Variants in FAM98C observed in about 807,000 individuals in gnomAD.
FAM98C encodes the protein protein FAM98C.
A neutral mutation model predicts 41.1 loss-of-function variants in FAM98C; 38 were observed. The ratio of observed to expected loss-of-function variants is 0.92; its 90% CI spans 0.71 to 1.21. The LOEUF (loss-of-function observed/expected upper bound fraction) is 1.21, where lower values mean the gene tolerates loss of function less well. Ranked by LOEUF, FAM98C falls within the 50% of genes most tolerant of loss-of-function variation. FAM98C has a pLI of 0.00. For missense variants in FAM98C, 493 were observed against 484.7 expected (o/e 1.02, Z -0.16); for synonymous variants, 195 against 216.7 (o/e 0.90, Z 0.88).
rs551370168 is a variant in FAM98C at position 38,403,115 on chromosome 19, G to C, written c.-39G>C. On this transcript the variant is annotated 5_prime_UTR_variant, in exon 1 of 8. Coordinates refer to ENST00000252530, the MANE Select transcript of FAM98C (RefSeq NM_174905.4). Reference sequence around the variant, plus strand: ...GCGCGGCGCTTTTGGGGCGGAGCCTGCCACCGGCCGCCAGGGGGCGCGCCG... The same window carrying C: ...GCGCGGCGCTTTTGGGGCGGAGCCTCCCACCGGCCGCCAGGGGGCGCGCCG... 4 of 1,493,504 alleles carry C rather than the reference G, an allele frequency of 2.7e-6. No individual in the cohort carries two copies. In the East Asian group the frequency reaches 8.1e-5, roughly 30 times the overall value. The allele number at this position is 1,493,504 out of a possible 1,614,324, so 92.5% of individuals were successfully genotyped here.
At position 38,404,908 on chromosome 19, in the gene FAM98C, G is replaced by C; in HGVS notation, c.350G>C (p.Arg117Pro). 15 of 1,614,118 alleles carry C rather than the reference G, an allele frequency of 9.3e-6. No individual in the cohort carries two copies. The highest frequency in any genetic ancestry group is 1.2e-5 in the Non-Finnish European group (14 of 1,180,020). Residue 117 changes from arginine (R) to proline (P), a missense_variant and splice_region_variant, in exon 4 of 8, where the codon CGC becomes CCC. Arg to Pro is a moderately radical substitution (Grantham distance 103). Transcript: ENST00000252530. ...CACAGCACCCATTTATTACTTTCAG[G>C]CTTTCTCTGCTCAGAGCTCCAAGCC... ...REPGAGLRLLRFLCSELQATR... is the reference protein window; with the variant it reads ...REPGAGLRLLPFLCSELQATR...
In FAM98C at chr19:38,403,403, T is replaced by A. The variant is rs1970993408; in HGVS notation, c.131T>A (p.Val44Glu). 8 of 1,446,308 alleles carry A rather than the reference T, an allele frequency of 5.5e-6. No homozygotes were observed. In the South Asian group the frequency reaches 9.6e-5, roughly 17 times the overall value. 89.6% of individuals were successfully genotyped at this position (1,446,308 alleles called of 1,614,324 possible). A position where few individuals can be genotyped will look rare whatever the true frequency, so the allele number is the denominator to read the frequency against. Reference protein sequence around the residue: ...ASCPDFRGLCVRLAAELATLG... With the variant: ...ASCPDFRGLCERLAAELATLG... ...TGCCCAGACTTCAGGGGGCTGTGCG[T>A]GCGGCTGGCGGCGGAGCTGGCGACG... is the stretch of plus-strand genomic sequence containing the variant. The change falls in exon 2 of 8, where the codon GTG (valine) becomes GAG (glutamate). Residue 44 changes from valine (V) to glutamate (E), a missense_variant. Coordinates refer to ENST00000252530, the MANE Select transcript of FAM98C (RefSeq NM_174905.4).
In FAM98C at chr19:38,408,878, A is replaced by G; in HGVS notation, c.1046A>G (p.Lys349Arg). 1 of 1,575,462 alleles carries G rather than the reference A, an allele frequency of 6.3e-7. No homozygotes were observed. The highest frequency in any genetic ancestry group is 8.6e-7 in the Non-Finnish European group (1 of 1,165,288). ...TGGGGTCGCAAGAAGAAGAAGAAGAAGTAAAGGGGGACTGGTGGTCGGGGG... is the reference window on the plus strand; with the variant it reads ...TGGGGTCGCAAGAAGAAGAAGAAGAGGTAAAGGGGGACTGGTGGTCGGGGG... The part of the protein sequence containing the change: ...QCWGRKKKKK[K>R] Residue 349 changes from lysine to arginine, a missense_variant, in exon 8 of 8, where the codon AAG becomes AGG. Lys to Arg is a conservative substitution (Grantham distance 26). Transcript: ENST00000252530.
At position 38,403,614 on chromosome 19, in the gene FAM98C, T is replaced by C; in HGVS notation, c.269T>C (p.Leu90Pro). The change falls in exon 3 of 8, where the codon CTG (leucine) becomes CCG (proline). Residue 90 changes from leucine (L) to proline (P), a missense_variant. Leu to Pro is a moderately conservative substitution (Grantham distance 98). Transcript: ENST00000252530. ...CAGCTCGGCAGCCTGCTGCGGGAGC[T>C]GCACTGCCCGGATCGCGCGCTCTGC... ...LRQLGSLLRE[L>P]HCPDRALCGG... 6.8e-7 allele frequency: 1 copy of C among 1,469,252 alleles called. No homozygotes were observed. The highest frequency in any genetic ancestry group is 8.9e-7 in the Non-Finnish European group (1 of 1,122,338). 91.0% of individuals were successfully genotyped at this position (1,469,252 alleles called of 1,614,324 possible).
chr19:38,407,688 A>AT (rs919602845), intron 7 of FAM98C: 16 of 151,868 alleles, frequency 1.1e-4, no homozygotes, highest in African/African-American at 3.9e-4. Context: ...AAAAAAAAAA[A>AT]CAAAGACAGA....
intron 7 of FAM98C, chr19:38,408,279 G>T (rs980948764): frequency 2.0e-5 from 3 of 152,620 alleles, no homozygotes; most frequent in Non-Finnish European, 2.9e-5. Flanking sequence ...AGAAAAGTAG[G>T]CTGGGTGCAG....
intron 4 of FAM98C, 66 bp downstream of exon 4, chr19:38,405,179 T>C: frequency 6.4e-7 from 1 of 1,550,934 alleles, no homozygotes; most frequent in South Asian, 1.2e-5. Context: ...GGGGGTCCTC[T>C]CTCCACTTCT....
chr19:38,403,095 G>C lies in FAM98C; in HGVS notation c.-59G>C. The C allele has an allele frequency of 6.9e-7, 1 of 1,459,484 alleles. No homozygotes were observed. Among genetic ancestry groups the C allele is most frequent in the Non-Finnish European group, 8.9e-7 (1 of 1,118,162 alleles). 90.4% of individuals were successfully genotyped at this position (1,459,484 alleles called of 1,614,324 possible). A position where few individuals can be genotyped will look rare whatever the true frequency, so the allele number is the denominator to read the frequency against. ...ACGCTGCGGGGAGCTCGTGCGCGCG[G>C]CGCTTTTGGGGCGGAGCCTGCCACC... On this transcript the variant is annotated 5_prime_UTR_variant, in exon 1 of 8. Transcript: ENST00000252530.
intron 3 of FAM98C, 74 bp from the exon 4 acceptor site, chr19:38,404,834 T>G: frequency 2.5e-5 from 38 of 1,547,756 alleles, no homozygotes; most frequent in Non-Finnish European, 3.2e-5. Flanking sequence ...CGGCCATCAG[T>G]GGAGCTTTTT....
chr19:38,407,094 G>A lies in FAM98C; in HGVS notation c.918+17G>A. ...ATCAACAAGGTGGGCATCTGGGGTA[G>A]GGAAGGGCCCTGGCATCCTTGGCCT... On this transcript the variant is annotated intron_variant, in intron 7 of 7. Coordinates refer to ENST00000252530, the MANE Select transcript of FAM98C (RefSeq NM_174905.4). 6.2e-7 allele frequency: 1 copy of A among 1,610,810 alleles called. No homozygotes were observed. Among genetic ancestry groups the A allele is most frequent in the Non-Finnish European group, 8.5e-7 (1 of 1,177,890 alleles).
intron 4 of FAM98C, 71 bp from the exon 5 acceptor site, chr19:38,405,273 G>C: frequency 6.4e-7 from 1 of 1,564,780 alleles, no homozygotes; most frequent in Non-Finnish European, 8.7e-7. Flanking sequence ...CCTCAGGGGT[G>C]TGGGGAGCTG....
rs1226947671 is a variant in FAM98C, at chr19:38,403,395, G to A, written c.123G>A (p.Gly41=). 2.7e-6 allele frequency: 4 copies of A among 1,455,808 alleles called. No individual in the cohort carries two copies. The Admixed American group carries it at 9.4e-5, about 34-fold the overall frequency. The allele number at this position is 1,455,808 out of a possible 1,614,324, so 90.2% of individuals were successfully genotyped here. ...SRGASCPDFR[G]LCVRLAAELA... ...GCGCCTCATGCCCAGACTTCAGGGG[G>A]CTGTGCGTGCGGCTGGCGGCGGAGC... The change falls in exon 2 of 8, where the codon GGG becomes GGA. Residue 41 remains glycine (G), a synonymous_variant. Coordinates refer to ENST00000252530, the MANE Select transcript of FAM98C (RefSeq NM_174905.4).
intron 7 of FAM98C, 177 bp downstream of exon 7, chr19:38,407,254 C>T: frequency 1.6e-6 from 1 of 643,530 alleles, no homozygotes; most frequent in Non-Finnish European, 2.6e-6. Context: ...CAGAATGCTT[C>T]CGTGGCTCCC....
At chr19:38,407,335 C>T (rs1369938015) in intron 7 of FAM98C, 3 of 468,650 alleles carry the variant, frequency 6.4e-6, no homozygotes, top group South Asian at 3.4e-5. Flanking sequence ...GCTTAAAATC[C>T]TTCCCTATCA....
chr19:38,403,278 C>T (rs1427654861), intron 1 of FAM98C, 60 bp downstream of exon 1: 2 of 1,522,924 alleles, frequency 1.3e-6, no homozygotes, highest in African/African-American at 1.4e-5. Flanking sequence ...CCCCTGGACG[C>T]GGACGAAAAG....
intron 6 of FAM98C, chr19:38,405,864 T>TA: frequency 6.0e-6 from 3 of 498,556 alleles, no homozygotes; most frequent in Non-Finnish European, 1.1e-5. Context: ...CCATCATTTT[T>TA]TTTTTTTTTT....
rs1970996683 is a variant in FAM98C, at chr19:38,403,567, CG to C, written c.223del (p.Ala75ArgfsTer73). On this transcript the variant is annotated frameshift_variant, in exon 3 of 8. Transcript: ENST00000252530. LOFTEE classifies it high-confidence loss of function. ...ACACCCCTGTCCTCGCAGGCCCTGG[CG>C]CGGAGGAGGACTTTCTGCGGCAGCT... ...EVLSAGDGPG[A>X]EEDFLRQLGS... The C allele has an allele frequency of 2.0e-6, 3 of 1,496,074 alleles. No individual in the cohort carries two copies. The Admixed American group carries it at 6.9e-5, about 34-fold the overall frequency. The allele number at this position is 1,496,074 out of a possible 1,614,324, so 92.7% of individuals were successfully genotyped here.
intron 1 of FAM98C, 54 bp from the exon 2 acceptor site, chr19:38,403,284 A>G (rs3745958): frequency 0.11 from 163,356 of 1,516,788 alleles, 10,165 homozygotes; most frequent in East Asian, 0.29. Flanking sequence ...GACGCGGACG[A>G]AAAGGGATTC....
At chr19:38,404,574 A>C (rs1971012306) in intron 3 of FAM98C, 1 of 244,568 alleles carries the variant, frequency 4.1e-6, no homozygotes, top group African/African-American at 2.2e-5. Context: ...CCCTGTTGCC[A>C]GGCTGGAGTA....
Sources: allele counts gnomAD v4.1 joint callset, GRCh38; gene constraint gnomAD v4.1.1; transcripts MANE v1.5; gene names NCBI Gene and HGNC (gene_info 2026-07-23, HGNC 2026-07-21).